TAF3: variants seen among roughly 807,000 people sequenced by gnomAD.
The protein encoded by TAF3 is TATA-box binding protein associated factor 3.
In TAF3, 7 loss-of-function variants were observed where a neutral mutation model predicts 80.6. The ratio of observed to expected loss-of-function variants is 0.09; its 90% CI spans 0.05 to 0.16. The LOEUF is 0.16. Ranked by LOEUF, TAF3 falls within the 10% of genes least tolerant of loss-of-function variation. TAF3 has a pLI of 1.00. For missense variants in TAF3, 921 were observed against 1,140.2 expected (o/e 0.81, Z 2.77); for synonymous variants, 444 against 446.1 (o/e 1.00, Z 0.06).
intron 2 of TAF3, among the ~76,000 whole-genome samples, chr10:7,926,764 A>G (rs1837819629): frequency 6.6e-6 from 1 of 152,290 alleles, no homozygotes; most frequent in Admixed American, 6.5e-5. Flanking sequence ...TATATCTAAA[A>G]TGAAATTTTC....
chr10:7,983,602 T>A (rs1347126094), intron 4 of TAF3, among the ~76,000 whole-genome samples: 1 of 152,188 alleles, frequency 6.6e-6, no homozygotes, highest in Non-Finnish European at 1.5e-5. Context: ...GATTAAAGAA[T>A]GTTGGAGTTT....
intron 2 of TAF3, among the ~76,000 whole-genome samples, chr10:7,848,251 T>C (rs1836992019): frequency 6.6e-6 from 1 of 152,222 alleles, no homozygotes; most frequent in African/African-American, 2.4e-5. Flanking sequence ...CATTATTACA[T>C]TTTAACACTT....
In TAF3 at chr10:7,964,378, C is replaced by G; in HGVS notation, c.868C>G (p.Gln290Glu). The change falls in exon 3 of 7, where the codon CAG becomes GAG. Residue 290 changes from glutamine (Q) to glutamate (E), a missense_variant. Gln to Glu is a conservative substitution (Grantham distance 29). This residue lies in a region of TAF3 where 743 missense variants were observed against 821.0 expected (regional missense o/e 0.90). Transcript: ENST00000344293. The surrounding 1 kb of genome is among the most constrained non-coding windows in gnomAD (Gnocchi z 4.1). ...GQKTKSPKTA[Q>E]SPAMVGSPIR... is the part of the protein sequence containing the mutation. ...GAAGACTAAATCACCTAAAACCGCC[C>G]AGTCACCAGCAATGGTCGGAAGTCC... The G allele has an allele frequency of 1.2e-6, 2 of 1,614,100 alleles. No homozygotes were observed. The highest frequency in any genetic ancestry group is 1.7e-6 in the Non-Finnish European group (2 of 1,180,040).
At chr10:7,917,040 G>A (rs575231782) in intron 2 of TAF3, among the ~76,000 whole-genome samples, 14 of 152,296 alleles carry the variant, frequency 9.2e-5, no homozygotes, top group South Asian at 2.1e-4. Flanking sequence ...TTCATTCAGC[G>A]AATATTCATT....
chr10:7,859,553 C>G (rs942540734), intron 2 of TAF3, among the ~76,000 whole-genome samples: 4 of 152,162 alleles, frequency 2.6e-5, no homozygotes, highest in African/African-American at 9.7e-5. Flanking sequence ...TTCACCTCCT[C>G]CATTCCTACC....
At chr10:7,923,546 T>C (rs2131191023) in intron 2 of TAF3, among the ~76,000 whole-genome samples, 1 of 151,860 alleles carries the variant, frequency 6.6e-6, no homozygotes, top group East Asian at 1.9e-4. Context: ...TCTGGCTTTA[T>C]TTTAGTTTTG....
chr10:7,965,691 G>T lies in TAF3; in HGVS notation c.2181G>T (p.Lys727Asn). 6.5e-7 allele frequency: 1 copy of T among 1,548,024 alleles called. No individual in the cohort carries two copies. Among genetic ancestry groups the T allele is most frequent in the South Asian group, 1.3e-5 (1 of 78,418 alleles). The change falls in exon 3 of 7, where the codon AAG (lysine) becomes AAT (asparagine). Residue 727 changes from lysine to asparagine, a missense_variant. By Grantham distance (94) the Lys-to-Asn change is moderately conservative (BLOSUM62 0). This residue lies in a region of TAF3 where 743 missense variants were observed against 821.0 expected (regional missense o/e 0.90). Coordinates refer to ENST00000344293, the MANE Select transcript of TAF3 (RefSeq NM_031923.4). ...EKKEKEREKEKREREKREKEK... is the reference protein window; with the variant it reads ...EKKEKEREKENREREKREKEK... ...AGGAGAAGGAAAGAGAGAAAGAGAA[G>T]AGAGAGCGAGAGAAGAGAGAAAAAG...
At chr10:7,893,713 C>T (rs567760917) in intron 2 of TAF3, among the ~76,000 whole-genome samples, 13 of 152,294 alleles carry the variant, frequency 8.5e-5, no homozygotes, top group African/African-American at 3.1e-4. Flanking sequence ...TCTGTGTATG[C>T]TCACCAAGGT....
At chr10:7,883,224 C>G (rs972897925) in intron 2 of TAF3, among the ~76,000 whole-genome samples, 6 of 152,218 alleles carry the variant, frequency 3.9e-5, no homozygotes, top group African/African-American at 1.4e-4. Context: ...TTTAGTTCTT[C>G]AATCTAGAAC....
At chr10:7,901,931 A>G (rs1222652652) in intron 2 of TAF3, among the ~76,000 whole-genome samples, 1 of 152,032 alleles carries the variant, frequency 6.6e-6, no homozygotes, top group Non-Finnish European at 1.5e-5. Context: ...TCATTTTGCC[A>G]CATTGGCTTT....
At chr10:7,847,307 A>G (rs1836981615) in intron 2 of TAF3, among the ~76,000 whole-genome samples, 2 of 152,248 alleles carry the variant, frequency 1.3e-5, no homozygotes, top group Admixed American at 1.3e-4. Flanking sequence ...TCATCTAGTC[A>G]TTCAAAAGGA....
chr10:7,875,027 TA>T (rs1837301390), intron 2 of TAF3, among the ~76,000 whole-genome samples: 1 of 152,164 alleles, frequency 6.6e-6, no homozygotes, highest in South Asian at 2.1e-4. Context: ...TACTCAATTA[TA>T]GATAGCAGTT....
chr10:7,830,155 C>G (rs1316708628), intron 2 of TAF3, among the ~76,000 whole-genome samples: 1 of 152,106 alleles, frequency 6.6e-6, no homozygotes, highest in African/African-American at 2.4e-5. Flanking sequence ...CCTGCCATTT[C>G]TTTCTCAAGC....
At chr10:7,826,503 A>G (rs1054977952) in intron 2 of TAF3, among the ~76,000 whole-genome samples, 4 of 152,106 alleles carry the variant, frequency 2.6e-5, no homozygotes, top group African/African-American at 4.8e-5. Context: ...CTATATTACT[A>G]TAGATTTTTG....
At chr10:7,819,318 A>T (rs527803640) in intron 1 of TAF3, among the ~76,000 whole-genome samples, 1 of 152,146 alleles carries the variant, frequency 6.6e-6, no homozygotes, top group East Asian at 1.9e-4. Flanking sequence ...AAGACTGGCC[A>T]TTCCTGGGCT....
chr10:7,964,258 G>A lies in TAF3; in HGVS notation c.748G>A (p.Ala250Thr). 1 of 1,614,144 alleles carries A rather than the reference G, an allele frequency of 6.2e-7. No homozygotes were observed. The highest frequency in any genetic ancestry group is 8.5e-7 in the Non-Finnish European group (1 of 1,180,028). Residue 250 changes from alanine to threonine, a missense_variant, in exon 3 of 7, where the codon GCT becomes ACT. By Grantham distance (58) the Ala-to-Thr change is moderately conservative (BLOSUM62 0). Transcript: ENST00000344293. The surrounding 1 kb of genome is among the most constrained non-coding windows in gnomAD (Gnocchi z 4.1). ...APPSPEPPML[A>T]PVAKSQMPTA... The stretch of plus-strand genomic sequence containing the variant: ...TCCCTCACCCGAGCCGCCAATGTTG[G>A]CTCCAGTTGCAAAATCACAAATGCC...
chr10:7,911,638 C>G (rs1389605653), intron 2 of TAF3, among the ~76,000 whole-genome samples: 1 of 152,216 alleles, frequency 6.6e-6, no homozygotes, highest in African/African-American at 2.4e-5. Context: ...GGTTGTGGGA[C>G]ACAGTTTTCA....
intron 2 of TAF3, among the ~76,000 whole-genome samples, chr10:7,921,428 C>T (rs556061622): frequency 6.6e-6 from 1 of 152,064 alleles, no homozygotes; most frequent in Admixed American, 6.5e-5. Context: ...TTCTTTGATA[C>T]CTCCCCTCCC....
In TAF3 at chr10:7,847,832, A is replaced by G. The variant is rs762700938; in HGVS notation, c.409+23272A>G. 7.9e-5 allele frequency among the ~76,000 whole-genome samples: 12 copies of G among 152,108 alleles called. 1 individual carries two copies. Among genetic ancestry groups the G allele is most frequent in the Non-Finnish European group, 1.3e-4 (9 of 68,014 alleles). ...TTCCAGGCTGGAGTGCACTGGTGCA[A>G]TCTGGGCCCACCGCAACCTCCACCT... is the stretch of plus-strand genomic sequence containing the variant. On this transcript the variant is annotated intron_variant, in intron 2 of 6. Coordinates refer to ENST00000344293, the MANE Select transcript of TAF3 (RefSeq NM_031923.4).
Sources: allele counts gnomAD v4.1 joint callset (sites outside exome capture counted in the v4.1 genomes callset), GRCh38; gene constraint gnomAD v4.1.1; regional missense constraint gnomAD v4.1.1; non-coding constraint Gnocchi (gnomAD v3.1); transcripts MANE v1.5; gene names NCBI Gene and HGNC (gene_info 2026-07-23, HGNC 2026-07-21).